The following NMT1 variants were observed in gnomAD, a reference collection of about 807,000 sequenced individuals.
NMT1 encodes the protein N-myristoyltransferase 1, also known as glycylpeptide N-tetradecanoyltransferase 1.
A neutral mutation model predicts 63.4 loss-of-function variants in NMT1; 12 were observed. That is an observed-to-expected ratio of 0.19 (90% CI 0.12 to 0.31). NMT1 has a LOEUF of 0.31. NMT1 is among the 10% of genes least tolerant of loss of function. The pLI is 1.00. For missense variants in NMT1, 432 were observed against 634.6 expected (o/e 0.68, Z 3.43); for synonymous variants, 228 against 234.3 (o/e 0.97, Z 0.25).
At position 45,105,758 on chromosome 17, in the gene NMT1, G is replaced by T; in HGVS notation, c.*119G>T. 9.6e-7 allele frequency: 1 copy of T among 1,043,534 alleles called. No homozygotes were observed. Among genetic ancestry groups the T allele is most frequent in the Non-Finnish European group, 1.4e-6 (1 of 704,550 alleles). The allele number at this position is 1,043,534 out of a possible 1,614,324, so 64.6% of individuals were successfully genotyped here. On this transcript the variant is annotated 3_prime_UTR_variant, in exon 12 of 12. Coordinates refer to ENST00000258960, the MANE Select transcript of NMT1 (RefSeq NM_021079.5). This position sits in a 1 kb window ranked among gnomAD's most constrained non-coding sequence, Gnocchi z 4.2. The stretch of plus-strand genomic sequence containing the variant: ...AATCCCTGGCAAAGGGAGCAGAACT[G>T]AACCGGCTTTACCAAACCGCCAGCG...
intron 8 of NMT1, among the ~76,000 whole-genome samples, chr17:45,101,747 T>G (rs2054168086): frequency 6.6e-6 from 1 of 151,892 alleles, no homozygotes; most frequent in Non-Finnish European, 1.5e-5. Context: ...CTGCCTGGAC[T>G]CCTCAGCCTC....
At position 45,075,732 on chromosome 17, in the gene NMT1, T is replaced by G. The variant is rs113886870; in HGVS notation, c.132-5912T>G. ...TTGCAGTGAGCTGAGAACACGGCAC[T>G]GCACTCCAGGCTGGCAACAGAGCAA... On this transcript the variant is annotated intron_variant, in intron 1 of 11. Transcript: ENST00000258960. 4.8e-3 allele frequency among the ~76,000 whole-genome samples: 735 copies of G among 152,050 alleles called. 3 individuals carry two copies. The highest frequency in any genetic ancestry group is 0.017 in the African/African-American group (722 of 41,462).
Position 45,103,981 on chromosome 17 carries a change from G to A in NMT1, c.1332+105G>A, listed in dbSNP as rs1298750456. 6.3e-7 allele frequency: 1 copy of A among 1,599,498 alleles called. No homozygotes were observed. Among genetic ancestry groups the A allele is most frequent in the Non-Finnish European group, 8.5e-7 (1 of 1,179,454 alleles). On this transcript the variant is annotated intron_variant, in intron 10 of 11. Transcript: ENST00000258960. The surrounding 1 kb of genome is among the most constrained non-coding windows in gnomAD (Gnocchi z 4.8). ...CAGCCTCCCATGGGCTGGAGGCTCT[G>A]AGCCCTCCTCATCTGTTCTGCTTAG...
rs184489603 is a variant in NMT1 at position 45,063,972 on chromosome 17, G to A, written c.131+2512G>A. Among the ~76,000 whole-genome samples, 400 of 152,086 alleles carry A rather than the reference G, an allele frequency of 2.6e-3. 2 individuals carry two copies. Among genetic ancestry groups the A allele is most frequent in the African/African-American group, 9.4e-3 (391 of 41,474 alleles). On this transcript the variant is annotated intron_variant, in intron 1 of 11. Transcript: ENST00000258960. ...GAGGCCGAGGCGGGTGGATCACGAG[G>A]TCAAGAGATTGAGACCATCCTGGCT...
At chr17:45,102,753 CTG>C (rs1486933341) in intron 8 of NMT1, among the ~76,000 whole-genome samples, 196 bp from the exon 9 acceptor site, 1 of 152,208 alleles carries the variant, frequency 6.6e-6, no homozygotes, top group Admixed American at 6.5e-5. Context: ...ATGTAGCAGT[CTG>C]AGTCTGCCTG....
Position 45,104,330 on chromosome 17 carries a change from T to C in NMT1, c.1332+454T>C, listed in dbSNP as rs993134032. 8.6e-7 allele frequency: 1 copy of C among 1,164,872 alleles called. No individual in the cohort carries two copies. The highest frequency in any genetic ancestry group is 1.1e-6 in the Non-Finnish European group (1 of 934,090). The allele number at this position is 1,164,872 out of a possible 1,614,324, so 72.2% of individuals were successfully genotyped here. A position where few individuals can be genotyped will look rare whatever the true frequency, so the allele number is the denominator to read the frequency against. ...GTGCCCAGCCCAGCCCAGCCTGCTGTAGGCAATCTGGTCCCTGCCCTGTGA... is the reference window on the plus strand; with the variant it reads ...GTGCCCAGCCCAGCCCAGCCTGCTGCAGGCAATCTGGTCCCTGCCCTGTGA... On this transcript the variant is annotated intron_variant, in intron 10 of 11. Transcript: ENST00000258960. The surrounding 1 kb of genome is among the most constrained non-coding windows in gnomAD (Gnocchi z 4.2).
chr17:45,095,808 T>C (rs2054121582), intron 4 of NMT1, among the ~76,000 whole-genome samples: 1 of 151,986 alleles, frequency 6.6e-6, no homozygotes, highest in African/African-American at 2.4e-5. Context: ...TTGGGCCAGA[T>C]GGTAAAAAAT....
At chr17:45,073,933 A>T (rs765869173) in intron 1 of NMT1, among the ~76,000 whole-genome samples, 1 of 152,144 alleles carries the variant, frequency 6.6e-6, no homozygotes, top group Non-Finnish European at 1.5e-5. Context: ...CTTCCCAGGC[A>T]TGCAGTTTTG....
rs2054055252 is a variant in NMT1, at chr17:45,086,488, C to T, written c.241-20C>T. 1.3e-6 allele frequency: 2 copies of T among 1,588,328 alleles called. No homozygotes were observed. Among genetic ancestry groups the T allele is most frequent in the Non-Finnish European group, 8.5e-7 (1 of 1,171,444 alleles). On this transcript the variant is annotated intron_variant, in intron 2 of 11. Coordinates refer to ENST00000258960, the MANE Select transcript of NMT1 (RefSeq NM_021079.5). ...ACTAACATAATGGGCCTTTTTTCTC[C>T]CCAACTTTGTCTTGTCCAGATGAAC...
At chr17:45,099,967 C>A in intron 8 of NMT1, 1 of 154,892 alleles carries the variant, frequency 6.5e-6, no homozygotes, top group South Asian at 1.9e-4. Context: ...CCAATTTCCC[C>A]ACCCAGATTT....
intron 1 of NMT1, among the ~76,000 whole-genome samples, chr17:45,079,166 A>G (rs2053996653): frequency 6.7e-6 from 1 of 148,572 alleles, no homozygotes; most frequent in South Asian, 2.1e-4. Flanking sequence ...GTGCAATGGC[A>G]TGATATTGGC....
At chr17:45,072,915 A>G (rs2053952839) in intron 1 of NMT1, among the ~76,000 whole-genome samples, 1 of 152,150 alleles carries the variant, frequency 6.6e-6, no homozygotes, top group South Asian at 2.1e-4. Flanking sequence ...CAGTAGCTCA[A>G]GAGCACAGCA....
At chr17:45,091,898 A>G (rs1227426100) in intron 3 of NMT1, among the ~76,000 whole-genome samples, 2 of 152,164 alleles carry the variant, frequency 1.3e-5, no homozygotes, top group African/African-American at 2.4e-5. Flanking sequence ...GCGCATGCCT[A>G]TAGTCCCAAC....
chr17:45,074,519 G>A (rs2053965567), intron 1 of NMT1, among the ~76,000 whole-genome samples: 1 of 152,010 alleles, frequency 6.6e-6, no homozygotes, highest in African/African-American at 2.4e-5. Context: ...GTGCCCGGCC[G>A]AGATGACATT....
At chr17:45,097,271 C>G in intron 6 of NMT1, 27 bp downstream of exon 6, 1 of 1,490,938 alleles carries the variant, frequency 6.7e-7, no homozygotes, top group Non-Finnish European at 9.4e-7. Flanking sequence ...ACCCCCACCC[C>G]CCACAACACC....
In NMT1 at chr17:45,105,776, C is replaced by G. The variant is rs960277341; in HGVS notation, c.*137C>G. On this transcript the variant is annotated 3_prime_UTR_variant, in exon 12 of 12. Coordinates refer to ENST00000258960, the MANE Select transcript of NMT1 (RefSeq NM_021079.5). The surrounding 1 kb of genome is among the most constrained non-coding windows in gnomAD (Gnocchi z 4.2). ...CAGAACTGAACCGGCTTTACCAAAC[C>G]GCCAGCGAACTTGACAATTGTATTG... 7.5e-6 allele frequency: 6 copies of G among 796,512 alleles called. No homozygotes were observed. The highest frequency in any genetic ancestry group is 1.2e-5 in the Non-Finnish European group (6 of 505,474). 49.3% of individuals were successfully genotyped at this position (796,512 alleles called of 1,614,324 possible). A position where few individuals can be genotyped will look rare whatever the true frequency, so the allele number is the denominator to read the frequency against.
intron 8 of NMT1, among the ~76,000 whole-genome samples, chr17:45,101,227 C>T (rs2054163267): frequency 6.6e-6 from 1 of 151,348 alleles, no homozygotes; most frequent in South Asian, 2.1e-4. Context: ...CCATGTTGCC[C>T]AGGCTCATCT....
Position 45,081,701 on chromosome 17 carries a change from GA to G in NMT1, c.191del (p.Lys64ArgfsTer16). ...AAAAGAAGAAAAAGAAACAAAAAAAGAAGAAAGAAAAAGGCAGTGAGACAGA... is the reference window on the plus strand; with the variant it reads ...AAAAGAAGAAAAAGAAACAAAAAAAGAGAAAGAAAAAGGCAGTGAGACAGA... ...AKKKKKKQKK[K>X]KEKGSETDSA... On this transcript the variant is annotated frameshift_variant, in exon 2 of 12. Coordinates refer to ENST00000258960, the MANE Select transcript of NMT1 (RefSeq NM_021079.5). LOFTEE classifies it high-confidence loss of function. The G allele has an allele frequency of 6.2e-7, 1 of 1,610,050 alleles. No individual in the cohort carries two copies. The highest frequency in any genetic ancestry group is 8.5e-7 in the Non-Finnish European group (1 of 1,177,730).
At chr17:45,096,876 T>C (rs1421723277) in intron 5 of NMT1, among the ~76,000 whole-genome samples, 1 of 152,156 alleles carries the variant, frequency 6.6e-6, no homozygotes, top group Non-Finnish European at 1.5e-5. Flanking sequence ...AACACAGAAA[T>C]TGGATCAGGC....
Sources: gnomAD v4.1 joint callset for allele counts (sites outside exome capture counted in the v4.1 genomes callset) on GRCh38, gnomAD v4.1.1 for gene constraint, Gnocchi (gnomAD v3.1) non-coding constraint, MANE v1.5 for transcripts, NCBI Gene and HGNC (gene_info 2026-07-23, HGNC 2026-07-21) for gene names.